Variants in HSD17B13 observed in about 807,000 individuals in gnomAD.
HSD17B13 encodes the protein hydroxysteroid 17-beta dehydrogenase 13, also known as 17-beta-hydroxysteroid dehydrogenase 13.
In HSD17B13, 26 loss-of-function variants were observed where a neutral mutation model predicts 31.1. The ratio of observed to expected loss-of-function variants is 0.84; its 90% CI spans 0.61 to 1.16. The LOEUF (loss-of-function observed/expected upper bound fraction) is 1.16, where lower values mean the gene tolerates loss of function less well. Among genes scored for constraint, HSD17B13 ranks in the 50% most tolerant of loss-of-function variants. The probability of loss-of-function intolerance (pLI) is 0.00; values close to 1 mark genes in which losing one functional copy is unlikely to be tolerated. For synonymous variants in HSD17B13, 141 were observed against 133.7 expected (o/e 1.05, Z -0.38); for missense variants, 374 against 366.5 (o/e 1.02, Z -0.17).
In HSD17B13 at chr4:87,322,667, G is replaced by T; in HGVS notation, c.175C>A (p.Arg59=). ...TCCCACAGAACCAATATGCTCTGTCGTTTTGCAAATTCATAAGTAGTCTGC... is the reference window on the plus strand; with the variant it reads ...TCCCACAGAACCAATATGCTCTGTCTTTTTGCAAATTCATAAGTAGTCTGC... ...GRQTTYEFAK[R]QSILVLWDIN... Residue 59 remains arginine (R), a synonymous_variant, in exon 1 of 7, where the codon CGA becomes AGA. Coordinates refer to ENST00000328546, the MANE Select transcript of HSD17B13 (RefSeq NM_178135.5). 1 of 1,613,972 alleles carries T rather than the reference G, an allele frequency of 6.2e-7. No individual in the cohort carries two copies. The highest frequency in any genetic ancestry group is 1.1e-5 in the South Asian group (1 of 91,076).
chr4:87,319,791 T>C (rs900986698), intron 1 of HSD17B13, among the ~76,000 whole-genome samples: 1 of 152,246 alleles, frequency 6.6e-6, no homozygotes, highest in South Asian at 2.1e-4. Flanking sequence ...CCATAGGACA[T>C]GGAGACAGAG....
Position 87,315,488 on chromosome 4 carries a change from CT to C in HSD17B13, c.557+4del. 1 of 1,557,594 alleles carries C rather than the reference CT, an allele frequency of 6.4e-7. No individual in the cohort carries two copies. Among genetic ancestry groups the C allele is most frequent in the Non-Finnish European group, 8.8e-7 (1 of 1,131,970 alleles). The stretch of plus-strand genomic sequence containing the variant: ...TATATAACATGGCTGGCATGTGATA[CT>C]TACCAATATGGGATGAGGTAAGGAA... On this transcript the variant is annotated splice_donor_region_variant and intron_variant, in intron 4 of 6. Transcript: ENST00000328546.
intron 4 of HSD17B13, 120 bp from the exon 5 acceptor site, chr4:87,314,080 T>G (rs1391647353): frequency 1.1e-5 from 7 of 643,912 alleles, no homozygotes; most frequent in Non-Finnish European, 1.7e-5. Flanking sequence ...CAGCCACTTG[T>G]GATTTTTCTG....
chr4:87,319,625 G>A (rs1734735433), intron 1 of HSD17B13, among the ~76,000 whole-genome samples: 1 of 152,174 alleles, frequency 6.6e-6, no homozygotes, highest in Non-Finnish European at 1.5e-5. Context: ...CTCCTAGGAG[G>A]GAAGGGAAAG....
At chr4:87,320,195 C>A (rs973343958) in intron 1 of HSD17B13, among the ~76,000 whole-genome samples, 1 of 152,012 alleles carries the variant, frequency 6.6e-6, no homozygotes, top group African/African-American at 2.4e-5. Flanking sequence ...CCTCAAATAG[C>A]CTTTTGTGGG....
At position 87,322,404 on chromosome 4, in the gene HSD17B13, C is replaced by T. The variant is rs887031829; in HGVS notation, c.210+228G>A. ...TTAGCAGCTTGGAAGGAGACTGGCT[C>T]CTGAGTCTTTCTATCAACCTGCACA... On this transcript the variant is annotated intron_variant, in intron 1 of 6. Coordinates refer to ENST00000328546, the MANE Select transcript of HSD17B13 (RefSeq NM_178135.5). 3.3e-5 allele frequency among the ~76,000 whole-genome samples: 5 copies of T among 152,112 alleles called. No homozygotes were observed. The East Asian group carries it at 9.6e-4, about 29-fold the overall frequency.
At chr4:87,309,092 G>A (rs553565416) in intron 6 of HSD17B13, among the ~76,000 whole-genome samples, 10 of 152,078 alleles carry the variant, frequency 6.6e-5, no homozygotes, top group South Asian at 2.1e-4. Context: ...GTCAAAAACC[G>A]TCAAATAGGG....
At chr4:87,314,639 T>TCA (rs1473304485) in intron 4 of HSD17B13, among the ~76,000 whole-genome samples, 217 of 134,980 alleles carry the variant, frequency 1.6e-3, no homozygotes, top group African/African-American at 3.3e-3. Flanking sequence ...TCTCTCTCTC[T>TCA]CTCACACACA....
chr4:87,311,445 G>A lies in HSD17B13; in HGVS notation c.696-1086C>T, dbSNP rs114930880. ...GGAACCCCTTTCCGGTAAGAATTTCGTATTTGAGATTCACCTCTGACTTGC... is the reference window on the plus strand; with the variant it reads ...GGAACCCCTTTCCGGTAAGAATTTCATATTTGAGATTCACCTCTGACTTGC... On this transcript the variant is annotated intron_variant, in intron 5 of 6. Coordinates refer to ENST00000328546, the MANE Select transcript of HSD17B13 (RefSeq NM_178135.5). 2.4e-3 allele frequency among the ~76,000 whole-genome samples: 366 copies of A among 152,132 alleles called. 1 individual carries two copies. Among genetic ancestry groups the A allele is most frequent in the African/African-American group, 8.0e-3 (334 of 41,494 alleles).
At chr4:87,317,033 A>C (rs1734664737) in intron 3 of HSD17B13, 59 bp downstream of exon 3, 1 of 1,549,902 alleles carries the variant, frequency 6.5e-7, no homozygotes, top group Non-Finnish European at 8.9e-7. Flanking sequence ...CTCCGTTATA[A>C]GTTTCATGTA....
rs1371457823 is a variant in HSD17B13, at chr4:87,318,356, T to A, written c.291A>T (p.Arg97Ser). The A allele has an allele frequency of 5.6e-6, 9 of 1,614,042 alleles. No homozygotes were observed. The South Asian group carries it at 9.9e-5, about 18-fold the overall frequency. Reference protein sequence around the residue: ...AHAYVVDCSNREEIYRSLNQV... With the variant: ...AHAYVVDCSNSEEIYRSLNQV... ...GATTTAGAGAGCGATAGATCTCTTC[T>A]CTGTTGCTGCAGTCTACCACATACG... The change falls in exon 2 of 7, where the codon AGA (arginine) becomes AGT (serine). Residue 97 changes from arginine to serine, a missense_variant. Coordinates refer to ENST00000328546, the MANE Select transcript of HSD17B13 (RefSeq NM_178135.5).
chr4:87,314,020 C>G, intron 4 of HSD17B13, 60 bp from the exon 5 acceptor site: 1 of 1,340,836 alleles, frequency 7.5e-7, no homozygotes, highest in Non-Finnish European at 9.9e-7. Context: ...CCTCAGCTTT[C>G]TGTGAGAAGG....
chr4:87,304,697 A>G lies in HSD17B13; in HGVS notation c.*521T>C, dbSNP rs1560744578. 1 of 152,238 alleles carries G rather than the reference A, an allele frequency of 6.6e-6. No homozygotes were observed. Among genetic ancestry groups the G allele is most frequent in the East Asian group, 1.9e-4 (1 of 5,204 alleles). 9.4% of individuals were successfully genotyped at this position (152,238 alleles called of 1,614,324 possible). On this transcript the variant is annotated 3_prime_UTR_variant, in exon 7 of 7. Transcript: ENST00000328546. ...AGAGTTGCACCGTTTTGGGCTAATG[A>G]AAAAGGAAGAGGCTAGGGAAATCTT... is the stretch of plus-strand genomic sequence containing the variant.
chr4:87,306,685 T>A (rs764080409), intron 6 of HSD17B13, among the ~76,000 whole-genome samples: 5 of 151,784 alleles, frequency 3.3e-5, no homozygotes, highest in Non-Finnish European at 5.9e-5. Context: ...GGTGGTCAGA[T>A]CATGAGGTCA....
At position 87,305,313 on chromosome 4, in the gene HSD17B13, AC is replaced by A. The variant is rs766484133; in HGVS notation, c.813-6del. ...GAGGCGCGTTCAGGAAGAAACCTGT[AC>A]AAAAAAGAAAAAAAAATTGAAAAAT... On this transcript the variant is annotated splice_region_variant and splice_polypyrimidine_tract_variant and intron_variant, in intron 6 of 6. Transcript: ENST00000328546. The A allele has an allele frequency of 4.5e-6, 7 of 1,568,864 alleles. No individual in the cohort carries two copies. The African/African-American group carries it at 9.6e-5, about 22-fold the overall frequency.
intron 5 of HSD17B13, 111 bp downstream of exon 5, chr4:87,313,712 A>G (rs529766859): frequency 5.1e-4 from 431 of 842,352 alleles, no homozygotes; most frequent in Middle Eastern, 1.3e-3. Context: ...AAGAAAAATT[A>G]TTTTTCCTTC....
intron 3 of HSD17B13, among the ~76,000 whole-genome samples, chr4:87,316,619 C>T (rs552742136): frequency 6.6e-6 from 1 of 152,288 alleles, no homozygotes; most frequent in African/African-American, 2.4e-5. Flanking sequence ...GGATCTAGAA[C>T]ACTTGCCTCA....
chr4:87,313,764 T>C, intron 5 of HSD17B13, 59 bp downstream of exon 5: 1 of 1,426,004 alleles, frequency 7.0e-7, no homozygotes, highest in Non-Finnish European at 9.7e-7. Flanking sequence ...ACATTTCTCA[T>C]TAGTTTTCAT....
At chr4:87,314,779 T>C (rs1253192064) in intron 4 of HSD17B13, among the ~76,000 whole-genome samples, 1 of 152,182 alleles carries the variant, frequency 6.6e-6, no homozygotes, top group African/African-American at 2.4e-5. Context: ...TTAGCTTCTG[T>C]AGGTTTTGCT....
Sources: allele counts gnomAD v4.1 joint callset (sites outside exome capture counted in the v4.1 genomes callset), GRCh38; gene constraint gnomAD v4.1.1; transcripts MANE v1.5; gene names NCBI Gene and HGNC (gene_info 2026-07-23, HGNC 2026-07-21).